The following RNF145 variants were observed in gnomAD, a reference collection of about 807,000 sequenced individuals.
The protein encoded by RNF145 is ring finger protein 145.
Under a neutral mutation model 57.3 loss-of-function variants are expected in RNF145, and 12 were observed. The ratio of observed to expected loss-of-function variants is 0.21; its 90% CI spans 0.13 to 0.34. The LOEUF (loss-of-function observed/expected upper bound fraction) is 0.34, where lower values mean the gene tolerates loss of function less well. RNF145 is among the 10% of genes least tolerant of loss of function. RNF145 has a pLI of 1.00. For missense variants in RNF145, 429 were observed against 799.0 expected (o/e 0.54, Z 5.58); for synonymous variants, 262 against 288.3 (o/e 0.91, Z 0.92).
At chr5:159,203,684 A>C (rs1785755965) in intron 1 of RNF145, 28 bp from the exon 2 acceptor site, 2 of 1,483,680 alleles carry the variant, frequency 1.3e-6, no homozygotes, top group South Asian at 2.5e-5. Flanking sequence ...CAATATATAA[A>C]AATAAAAAGT....
rs202036994 is a variant in RNF145 at position 159,169,559 on chromosome 5, C to CA, written c.938+119dup. The CA allele has an allele frequency of 9.1e-4, 698 of 767,008 alleles. 2 individuals are homozygous for CA. The highest frequency in any genetic ancestry group is 7.7e-3 in the Admixed American group (217 of 28,104). 47.5% of individuals were successfully genotyped at this position (767,008 alleles called of 1,614,324 possible). A position where few individuals can be genotyped will look rare whatever the true frequency, so the allele number is the denominator to read the frequency against. On this transcript the variant is annotated intron_variant, in intron 7 of 10. Transcript: ENST00000424310. Reference sequence around the variant, plus strand: ...TTTTAACCCAAATGTTGCAACCATTCAAAAAAAACCTCTCCAATTCCATTT... The same window carrying CA: ...TTTTAACCCAAATGTTGCAACCATTCAAAAAAAAACCTCTCCAATTCCATTT...
intron 8 of RNF145, among the ~76,000 whole-genome samples, chr5:159,166,506 T>C (rs557773713): frequency 7.9e-5 from 12 of 152,342 alleles, no homozygotes; most frequent in African/African-American, 2.6e-4. Flanking sequence ...GTTTTTGACA[T>C]TTAAGTCCCT....
At chr5:159,178,171 T>G (rs1057456668) in intron 4 of RNF145, among the ~76,000 whole-genome samples, 4 of 151,990 alleles carry the variant, frequency 2.6e-5, no homozygotes, top group Non-Finnish European at 5.9e-5. Flanking sequence ...TGTATTTTCT[T>G]TTAGTAATTT....
chr5:159,169,183 T>C lies in RNF145; in HGVS notation c.939-128A>G, dbSNP rs1584669376. 8.7e-6 allele frequency: 6 copies of C among 685,742 alleles called. No homozygotes were observed. In the East Asian group the frequency reaches 1.8e-4, roughly 20 times the overall value. 42.5% of individuals were successfully genotyped at this position (685,742 alleles called of 1,614,324 possible). A position where few individuals can be genotyped will look rare whatever the true frequency, so the allele number is the denominator to read the frequency against. The stretch of plus-strand genomic sequence containing the variant: ...AAATCTATTCTGACTTAATCCAGAC[T>C]AAAAACCTGATCAGTATATTAACTT... On this transcript the variant is annotated intron_variant, in intron 7 of 10. Transcript: ENST00000424310.
chr5:159,170,000 C>G (rs187360991), intron 6 of RNF145, among the ~76,000 whole-genome samples, 181 bp from the exon 7 acceptor site: 23 of 152,330 alleles, frequency 1.5e-4, no homozygotes, highest in Admixed American at 4.6e-4. Flanking sequence ...TATTCACCTT[C>G]AAACCCACAT....
intron 4 of RNF145, among the ~76,000 whole-genome samples, chr5:159,177,286 T>C (rs1328773753): frequency 1.3e-5 from 2 of 152,110 alleles, no homozygotes; most frequent in Non-Finnish European, 2.9e-5. Context: ...TAATTACTTG[T>C]TCAAGATCAT....
intron 8 of RNF145, among the ~76,000 whole-genome samples, chr5:159,166,847 A>T (rs1784408038): frequency 6.6e-6 from 1 of 152,158 alleles, no homozygotes. Context: ...ATAATCTGCC[A>T]AGTGTGGTGG....
chr5:159,187,360 C>T (rs1434035194), intron 3 of RNF145, among the ~76,000 whole-genome samples: 2 of 151,368 alleles, frequency 1.3e-5, no homozygotes, highest in Non-Finnish European at 2.9e-5. Context: ...GATAGTCTCA[C>T]ACTGTTGCCT....
chr5:159,184,486 T>G (rs1308183235), intron 3 of RNF145, among the ~76,000 whole-genome samples: 1 of 152,200 alleles, frequency 6.6e-6, no homozygotes, highest in South Asian at 2.1e-4. Context: ...AGATAAATAC[T>G]TAGTCCTATA....
At chr5:159,179,418 C>A (rs996931105) in intron 4 of RNF145, among the ~76,000 whole-genome samples, 3 of 151,940 alleles carry the variant, frequency 2.0e-5, no homozygotes, top group Non-Finnish European at 2.9e-5. Context: ...AGGTTGGCAA[C>A]CCTAAGAAAT....
At chr5:159,165,185 A>G (rs1433221299) in intron 8 of RNF145, among the ~76,000 whole-genome samples, 1 of 152,154 alleles carries the variant, frequency 6.6e-6, no homozygotes, top group African/African-American at 2.4e-5. Flanking sequence ...TCCCACATAC[A>G]GGTGAAGGCC....
At chr5:159,189,646 T>C (rs1163635815) in intron 3 of RNF145, among the ~76,000 whole-genome samples, 1 of 152,116 alleles carries the variant, frequency 6.6e-6, no homozygotes, top group Non-Finnish European at 1.5e-5. Context: ...TGTACATGAA[T>C]TGTCATAACA....
intron 9 of RNF145, among the ~76,000 whole-genome samples, chr5:159,162,580 G>A (rs1048228098): frequency 1.3e-5 from 2 of 151,424 alleles, no homozygotes; most frequent in Non-Finnish European, 2.9e-5. Context: ...GACTACAGGC[G>A]CCCGCCACCG....
chr5:159,203,402 A>G (rs751471187), intron 2 of RNF145, 32 bp downstream of exon 2: 2 of 1,430,256 alleles, frequency 1.4e-6, no homozygotes, highest in East Asian at 2.3e-5. Context: ...AATGCTCACT[A>G]GAAGATTAGA....
chr5:159,191,061 C>T (rs1425248209), intron 3 of RNF145, among the ~76,000 whole-genome samples: 1 of 146,614 alleles, frequency 6.8e-6, no homozygotes, highest in East Asian at 2.0e-4. Context: ...ACACATAAAA[C>T]ACACAATAGC....
Position 159,158,465 on chromosome 5 carries a change from A to G in RNF145, c.*205T>C. On this transcript the variant is annotated 3_prime_UTR_variant, in exon 11 of 11. Coordinates refer to ENST00000424310, the MANE Select transcript of RNF145 (RefSeq NM_001199383.2). ...GCAGAGAACATATAAATACATTTTGATTAGCATACATTGCAAAATTTCTCC... is the reference window on the plus strand; with the variant it reads ...GCAGAGAACATATAAATACATTTTGGTTAGCATACATTGCAAAATTTCTCC... 1 of 604,852 alleles carries G rather than the reference A, an allele frequency of 1.7e-6. No individual in the cohort carries two copies. Among genetic ancestry groups the G allele is most frequent in the Admixed American group, 3.0e-5 (1 of 33,540 alleles). The allele number at this position is 604,852 out of a possible 1,614,324, so 37.5% of individuals were successfully genotyped here.
Position 159,203,421 on chromosome 5 carries a change from T to C in RNF145, c.184+13A>G, listed in dbSNP as rs753897983. On this transcript the variant is annotated intron_variant, in intron 2 of 10. Transcript: ENST00000424310. ...CTCACTAGAAGATTAGAAAATGTGA[T>C]GTAGACACTCACCTACATAATGCAT... The C allele has an allele frequency of 1.3e-6, 2 of 1,533,866 alleles. No homozygotes were observed. Among genetic ancestry groups the C allele is most frequent in the Non-Finnish European group, 1.8e-6 (2 of 1,107,350 alleles).
At chr5:159,171,225 A>G (rs1784544371) in intron 6 of RNF145, among the ~76,000 whole-genome samples, 1 of 152,218 alleles carries the variant, frequency 6.6e-6, no homozygotes, top group Non-Finnish European at 1.5e-5. Context: ...GCATTTTCAC[A>G]CTGAAATCAT....
intron 3 of RNF145, among the ~76,000 whole-genome samples, chr5:159,188,590 C>G (rs543320354): frequency 1.4e-4 from 22 of 152,138 alleles, no homozygotes; most frequent in Admixed American, 5.9e-4. Flanking sequence ...AAATACATTC[C>G]CTACATCCCT....
Sources: allele counts gnomAD v4.1 joint callset (sites outside exome capture counted in the v4.1 genomes callset), GRCh38; gene constraint gnomAD v4.1.1; transcripts MANE v1.5; gene names NCBI Gene and HGNC (gene_info 2026-07-23, HGNC 2026-07-21).